Variants in RTF1 observed in about 807,000 individuals in gnomAD.
RTF1 encodes the protein RNA polymerase-associated protein RTF1 homolog.
RTF1 carries 10 observed loss-of-function variants against 95.7 expected under a neutral mutation model. The ratio of observed to expected loss-of-function variants is 0.10; its 90% CI spans 0.06 to 0.18. RTF1 has a LOEUF of 0.18. Among genes scored for constraint, RTF1 ranks in the 10% least tolerant of loss-of-function variants. The pLI is 1.00. For synonymous variants in RTF1, 305 were observed against 311.8 expected (o/e 0.98, Z 0.23); for missense variants, 458 against 875.6 (o/e 0.52, Z 6.02).
At chr15:41,468,519 A>G (rs184147073) in intron 6 of RTF1, among the ~76,000 whole-genome samples, 2,671 of 152,112 alleles carry the variant, frequency 0.018, 66 homozygotes, top group African/African-American at 0.039. Context: ...GGGTTTCACC[A>G]TGTTAGCCAG....
intron 4 of RTF1, among the ~76,000 whole-genome samples, chr15:41,464,311 C>T (rs1023760008): frequency 1.3e-5 from 2 of 149,502 alleles, no homozygotes; most frequent in Admixed American, 6.7e-5. Context: ...AGTGCAGTGG[C>T]GCGATCTTGG....
At chr15:41,459,520 A>T (rs2050836574) in intron 4 of RTF1, among the ~76,000 whole-genome samples, 1 of 152,236 alleles carries the variant, frequency 6.6e-6, no homozygotes, top group East Asian at 1.9e-4. Flanking sequence ...ATTGAGAGTA[A>T]TATGGGAACA....
At chr15:41,477,619 A>G (rs970921258) in intron 14 of RTF1, 104 bp downstream of exon 14, 9 of 1,039,282 alleles carry the variant, frequency 8.7e-6, no homozygotes, top group African/African-American at 6.3e-5. Context: ...GAAATAACGT[A>G]GGCACTTAAC....
chr15:41,480,732 C>A lies in RTF1; in HGVS notation c.*45C>A, dbSNP rs759342389. Reference sequence around the variant, plus strand: ...TCTGACCCTGCATGCCCCATCGCAGCGTCCCACCTTTCCTCCTTTCCTTTG... The same window carrying A: ...TCTGACCCTGCATGCCCCATCGCAGAGTCCCACCTTTCCTCCTTTCCTTTG... On this transcript the variant is annotated 3_prime_UTR_variant, in exon 18 of 18. Coordinates refer to ENST00000389629, the MANE Select transcript of RTF1 (RefSeq NM_015138.5). 5.9e-6 allele frequency: 8 copies of A among 1,347,296 alleles called. No homozygotes were observed. The highest frequency in any genetic ancestry group is 8.5e-6 in the Non-Finnish European group (8 of 937,640). 83.5% of individuals were successfully genotyped at this position (1,347,296 alleles called of 1,614,324 possible).
chr15:41,444,955 G>A (rs1006670361), intron 2 of RTF1, among the ~76,000 whole-genome samples: 11 of 151,374 alleles, frequency 7.3e-5, no homozygotes, highest in East Asian at 3.9e-4. Flanking sequence ...TTTTTGAGAC[G>A]GAGTCTCGGT....
chr15:41,429,217 A>G lies in RTF1; in HGVS notation c.199-9104A>G, dbSNP rs142410226. Among the ~76,000 whole-genome samples the G allele has an allele frequency of 3.2e-3, 482 of 152,262 alleles. 1 individual carries two copies. Among genetic ancestry groups the G allele is most frequent in the African/African-American group, 0.011 (457 of 41,550 alleles). On this transcript the variant is annotated intron_variant, in intron 1 of 17. Transcript: ENST00000389629. ...CGCCCAGCCAATATTCACTGTTTAA[A>G]TCAACCAACAGTTTTGCTATGAAAG... is the stretch of plus-strand genomic sequence containing the variant.
Position 41,450,584 on chromosome 15 carries a change from C to T in RTF1, c.310-2317C>T, listed in dbSNP as rs1007808307. On this transcript the variant is annotated intron_variant, in intron 2 of 17. Transcript: ENST00000389629. ...TGGACGACAGAGTGAGACTCCGTCT[C>T]AAAAAAAAAAAAAAAAATTATCTTC... Among the ~76,000 whole-genome samples the T allele has an allele frequency of 2.8e-4, 20 of 72,450 alleles. No individual in the cohort carries two copies. The Admixed American group carries it at 2.9e-3, about 11-fold the overall frequency. The allele number at this position is 72,450 out of a possible 152,430, so 47.5% of individuals were successfully genotyped here.
In RTF1 at chr15:41,422,773, ATTTTCTT is replaced by A. The variant is rs531185724; in HGVS notation, c.198+5472_198+5478del. 2.5e-3 allele frequency among the ~76,000 whole-genome samples: 375 copies of A among 152,070 alleles called. 1 individual carries two copies. The highest frequency in any genetic ancestry group is 8.6e-3 in the African/African-American group (356 of 41,498). On this transcript the variant is annotated intron_variant, in intron 1 of 17. Coordinates refer to ENST00000389629, the MANE Select transcript of RTF1 (RefSeq NM_015138.5). Reference sequence around the variant, plus strand: ...TTTGAGAGAATAGGCCCCCCTAAGTATTTTCTTTTTTCTTTTTTTTGAGACGGAGTCT... The same window carrying A: ...TTTGAGAGAATAGGCCCCCCTAAGTATTTTCTTTTTTTTGAGACGGAGTCT...
intron 9 of RTF1, 125 bp from the exon 10 acceptor site, chr15:41,475,400 G>T: frequency 1.4e-6 from 1 of 713,842 alleles, no homozygotes; most frequent in South Asian, 1.8e-5. Context: ...GATTTTATAG[G>T]GTAGCTAGGA....
intron 1 of RTF1, among the ~76,000 whole-genome samples, chr15:41,435,589 A>G (rs964716278): frequency 4.5e-4 from 69 of 152,144 alleles, no homozygotes; most frequent in African/African-American, 1.6e-3. Flanking sequence ...TCTTTCAGGA[A>G]GTTGGTATGT....
intron 1 of RTF1, among the ~76,000 whole-genome samples, chr15:41,428,458 C>T (rs1284327269): frequency 1.3e-5 from 2 of 150,842 alleles, no homozygotes; most frequent in African/African-American, 2.4e-5. Flanking sequence ...TTAGTAGAGA[C>T]GGGGTTTCAC....
At position 41,471,153 on chromosome 15, in the gene RTF1, G is replaced by GC; in HGVS notation, c.1026-15dup. On this transcript the variant is annotated intron_variant, in intron 7 of 17. Transcript: ENST00000389629. ...TTTTATGATGAACATTTTTTCCAGT[G>GC]CCCCTTTGTTCCTCTTAGGAAAGAA... 1 of 1,564,580 alleles carries GC rather than the reference G, an allele frequency of 6.4e-7. No individual in the cohort carries two copies. The highest frequency in any genetic ancestry group is 8.6e-7 in the Non-Finnish European group (1 of 1,158,186).
intron 4 of RTF1, among the ~76,000 whole-genome samples, chr15:41,459,190 T>C (rs2050834256): frequency 6.6e-6 from 1 of 152,148 alleles, no homozygotes; most frequent in South Asian, 2.1e-4. Flanking sequence ...AGACCAGTCA[T>C]GGCAACATGG....
intron 1 of RTF1, among the ~76,000 whole-genome samples, chr15:41,426,489 T>G (rs892982980): frequency 1.2e-4 from 18 of 151,952 alleles, no homozygotes; most frequent in Non-Finnish European, 2.5e-4. Context: ...GTATTTTTAG[T>G]AGAGACAGGG....
chr15:41,468,340 C>G (rs376552852), intron 6 of RTF1, among the ~76,000 whole-genome samples: 4 of 149,156 alleles, frequency 2.7e-5, no homozygotes, highest in Admixed American at 2.6e-4. Flanking sequence ...TTTTTTGAGA[C>G]GGAGTCTCGC....
chr15:41,442,452 C>A (rs143459468), intron 2 of RTF1, among the ~76,000 whole-genome samples: 192 of 151,236 alleles, frequency 1.3e-3, no homozygotes, highest in African/African-American at 4.5e-3. Context: ...CAGGTGTGAG[C>A]CACCATCATA....
chr15:41,476,367 A>C, intron 11 of RTF1, 79 bp from the exon 12 acceptor site: 1 of 1,139,918 alleles, frequency 8.8e-7, no homozygotes, highest in South Asian at 1.2e-5. Context: ...AGCTGTTTGC[A>C]TCCAAAATGG....
Position 41,423,846 on chromosome 15 carries a change from G to A in RTF1, c.198+6533G>A, listed in dbSNP as rs541696513. ...CAGCTCACTGCCACCTCCGCTTCCC[G>A]GGTTCAAGCAATTATCCTGCCTCAG... On this transcript the variant is annotated intron_variant, in intron 1 of 17. Coordinates refer to ENST00000389629, the MANE Select transcript of RTF1 (RefSeq NM_015138.5). 3.3e-5 allele frequency among the ~76,000 whole-genome samples: 5 copies of A among 151,906 alleles called. No individual in the cohort carries two copies. The South Asian group carries it at 6.2e-4, about 19-fold the overall frequency.
Position 41,482,634 on chromosome 15 carries a change from C to T in RTF1, c.*1947C>T, listed in dbSNP as rs1000766580. On this transcript the variant is annotated 3_prime_UTR_variant, in exon 18 of 18. Coordinates refer to ENST00000389629, the MANE Select transcript of RTF1 (RefSeq NM_015138.5). ...TAACACAGCTTTGTGGTAGCTGTGA[C>T]ACAGTTCACTTGGGCAAAGGAGTGG... 1.2e-4 allele frequency: 19 copies of T among 152,494 alleles called. No homozygotes were observed. The highest frequency in any genetic ancestry group is 4.1e-4 in the African/African-American group (17 of 41,396). 9.4% of individuals were successfully genotyped at this position (152,494 alleles called of 1,614,324 possible). A position where few individuals can be genotyped will look rare whatever the true frequency, so the allele number is the denominator to read the frequency against.
Sources: gnomAD v4.1 joint callset for allele counts (sites outside exome capture counted in the v4.1 genomes callset) on GRCh38, gnomAD v4.1.1 for gene constraint, MANE v1.5 for transcripts, NCBI Gene and HGNC (gene_info 2026-07-23, HGNC 2026-07-21) for gene names.